AGBL4: variants seen among roughly 807,000 people sequenced by gnomAD.
AGBL4 encodes AGBL carboxypeptidase 4.
AGBL4 carries 58 observed loss-of-function variants against 66.4 expected under a neutral mutation model. The observed-to-expected ratio is 0.87, with a 90% CI of 0.71 to 1.09. AGBL4 has a LOEUF of 1.09. Ranked by LOEUF, AGBL4 falls within the 50% of genes least tolerant of loss-of-function variation. AGBL4 has a pLI of 0.00. For synonymous variants in AGBL4, 234 were observed against 222.9 expected (o/e 1.05, Z -0.44); for missense variants, 579 against 631.0 (o/e 0.92, Z 0.88).
At chr1:48,627,082 G>A (rs2148404953) in intron 9 of AGBL4, among the ~76,000 whole-genome samples, 1 of 152,172 alleles carries the variant, frequency 6.6e-6, no homozygotes, top group South Asian at 2.1e-4. Flanking sequence ...TCCACAAAAA[G>A]ACTCTCCTCT....
Position 49,638,378 on chromosome 1 carries a change from T to C in AGBL4, c.282+58935A>G, listed in dbSNP as rs1365231060. Among the ~76,000 whole-genome samples, 37 of 152,224 alleles carry C rather than the reference T, an allele frequency of 2.4e-4. 1 individual carries two copies. The highest frequency in any genetic ancestry group is 2.9e-5 in the Non-Finnish European group (2 of 68,034). On this transcript the variant is annotated intron_variant, in intron 3 of 13. Coordinates refer to ENST00000371839, the MANE Select transcript of AGBL4 (RefSeq NM_032785.4). ...TAAGAGAAGCTCACATTCTATATCA[T>C]ATATCTGTAATGAAAAGTTATGCAT...
At chr1:48,925,610 A>G (rs1654481619) in intron 5 of AGBL4, among the ~76,000 whole-genome samples, 1 of 152,184 alleles carries the variant, frequency 6.6e-6, no homozygotes, top group Non-Finnish European at 1.5e-5. Flanking sequence ...GGCCCAGGGA[A>G]GCCAAAAGAT....
intron 3 of AGBL4, among the ~76,000 whole-genome samples, chr1:49,591,609 A>C (rs1488222363): frequency 6.6e-6 from 1 of 152,184 alleles, no homozygotes; most frequent in African/African-American, 2.4e-5. Flanking sequence ...TATGGAACCA[A>C]AAAAGAGTTC....
At chr1:49,682,914 G>A (rs1327209962) in intron 3 of AGBL4, among the ~76,000 whole-genome samples, 2 of 152,170 alleles carry the variant, frequency 1.3e-5, no homozygotes, top group Non-Finnish European at 2.9e-5. Context: ...TATGATTGAA[G>A]AAGATATGAT....
At chr1:48,880,846 T>C (rs965844573) in intron 5 of AGBL4, among the ~76,000 whole-genome samples, 4 of 152,210 alleles carry the variant, frequency 2.6e-5, no homozygotes, top group Non-Finnish European at 4.4e-5. Flanking sequence ...AATATGATGT[T>C]GTGACTTGGT....
intron 6 of AGBL4, among the ~76,000 whole-genome samples, chr1:48,759,939 G>A (rs1429197707): frequency 1.3e-5 from 2 of 152,166 alleles, no homozygotes; most frequent in Admixed American, 1.3e-4. Context: ...CAACTGAAAA[G>A]TTCAAAGAAT....
intron 9 of AGBL4, among the ~76,000 whole-genome samples, chr1:48,595,059 A>T (rs1284946854): frequency 1.3e-5 from 2 of 152,126 alleles, no homozygotes; most frequent in Non-Finnish European, 2.9e-5. Flanking sequence ...AAATTTGGGG[A>T]TTGTTTATTA....
intron 8 of AGBL4, among the ~76,000 whole-genome samples, chr1:48,652,546 G>A (rs1206374022): frequency 6.6e-6 from 1 of 152,148 alleles, no homozygotes; most frequent in Non-Finnish European, 1.5e-5. Flanking sequence ...ATGCAAAGCT[G>A]GGGGGTCTGA....
chr1:49,208,887 G>C (rs567635814), intron 4 of AGBL4, among the ~76,000 whole-genome samples: 1 of 151,898 alleles, frequency 6.6e-6, no homozygotes, highest in African/African-American at 2.4e-5. Context: ...ATGCATATAC[G>C]CAAACACACA....
chr1:49,130,206 G>A (rs1645860812), intron 4 of AGBL4, among the ~76,000 whole-genome samples: 2 of 152,236 alleles, frequency 1.3e-5, no homozygotes, highest in Admixed American at 6.5e-5. Context: ...GTAGATTCTG[G>A]ATATTAGCCC....
chr1:49,447,530 C>G (rs1414449219), intron 3 of AGBL4, among the ~76,000 whole-genome samples: 1 of 152,114 alleles, frequency 6.6e-6, no homozygotes, highest in African/African-American at 2.4e-5. Flanking sequence ...TGGCACCTGC[C>G]ACAGACACTT....
chr1:49,804,865 C>A (rs1274359690), intron 2 of AGBL4, among the ~76,000 whole-genome samples: 1 of 152,140 alleles, frequency 6.6e-6, no homozygotes, highest in African/African-American at 2.4e-5. Context: ...TCCCTAGATG[C>A]ATAACAAACC....
chr1:48,783,500 A>T (rs549445603), intron 6 of AGBL4, among the ~76,000 whole-genome samples: 2 of 152,120 alleles, frequency 1.3e-5, no homozygotes, highest in East Asian at 3.9e-4. Flanking sequence ...TAGATGACAG[A>T]TTGGAGGGCC....
intron 6 of AGBL4, among the ~76,000 whole-genome samples, chr1:48,841,404 C>A (rs958700898): frequency 5.4e-5 from 7 of 128,926 alleles, no homozygotes; most frequent in African/African-American, 1.5e-4. Flanking sequence ...TACAAAACCC[C>A]CCCCCCCCAA....
At chr1:49,564,315 G>T (rs564975274) in intron 3 of AGBL4, among the ~76,000 whole-genome samples, 4 of 152,158 alleles carry the variant, frequency 2.6e-5, no homozygotes, top group East Asian at 1.9e-4. Context: ...CTTCAGTTCT[G>T]CTCTGATTTT....
intron 2 of AGBL4, chr1:49,845,382 C>T (rs575435370): frequency 7.2e-7 from 1 of 1,381,300 alleles, no homozygotes; most frequent in Non-Finnish European, 1.0e-6. Context: ...TTAGCCAACA[C>T]AAGTGAACTC....
intron 3 of AGBL4, chr1:49,266,301 C>T (rs1310267388): frequency 6.6e-6 from 1 of 151,858 alleles, no homozygotes; most frequent in Non-Finnish European, 1.5e-5. Context: ...GCATATCAAA[C>T]AAGGGCATTT....
chr1:48,733,022 T>C (rs1278969021), intron 6 of AGBL4, among the ~76,000 whole-genome samples: 1 of 152,124 alleles, frequency 6.6e-6, no homozygotes, highest in Non-Finnish European at 1.5e-5. Flanking sequence ...ACTGGGGACC[T>C]TGGTGAAAAC....
chr1:48,900,447 A>C (rs1158964270), intron 5 of AGBL4, among the ~76,000 whole-genome samples: 2 of 152,246 alleles, frequency 1.3e-5, no homozygotes, highest in Non-Finnish European at 2.9e-5. Flanking sequence ...AACTTTGAGA[A>C]AGAACAAAGT....
Sources: gnomAD v4.1 joint callset for allele counts (sites outside exome capture counted in the v4.1 genomes callset) on GRCh38, gnomAD v4.1.1 for gene constraint, MANE v1.5 for transcripts, NCBI Gene and HGNC (gene_info 2026-07-23, HGNC 2026-07-21) for gene names.